VPS54: variants seen among roughly 807,000 people sequenced by gnomAD.
VPS54 encodes the protein VPS54 subunit of GARP complex.
In VPS54, 45 loss-of-function variants were observed where a neutral mutation model predicts 121.5. That is an observed-to-expected ratio of 0.37 (90% CI 0.29 to 0.47). The LOEUF is 0.47. Ranked by LOEUF, VPS54 falls within the 20% of genes least tolerant of loss-of-function variation. VPS54 has a pLI of 0.99. For synonymous variants in VPS54, 371 were observed against 385.8 expected (o/e 0.96, Z 0.45); for missense variants, 1,090 against 1,131.4 (o/e 0.96, Z 0.52).
rs556908961 is a variant in VPS54, at chr2:64,018,713, C to T, written c.-21+225G>A. ...CGCTGACAGGAGGCAGGGAACACAGCTGCCAGCCCCGATCCCGGAGGGAGA... is the reference window on the plus strand; with the variant it reads ...CGCTGACAGGAGGCAGGGAACACAGTTGCCAGCCCCGATCCCGGAGGGAGA... On this transcript the variant is annotated intron_variant, in intron 1 of 22. Coordinates refer to ENST00000272322, the MANE Select transcript of VPS54 (RefSeq NM_016516.3). Among the ~76,000 whole-genome samples the T allele has an allele frequency of 7.5e-5, 11 of 146,406 alleles. No homozygotes were observed. In the Admixed American group the frequency reaches 7.6e-4, roughly 10 times the overall value.
chr2:63,922,639 T>G (rs1673697348), intron 12 of VPS54, among the ~76,000 whole-genome samples: 1 of 152,174 alleles, frequency 6.6e-6, no homozygotes, highest in African/African-American at 2.4e-5. Flanking sequence ...GGTTAGAATA[T>G]TAAGAGAGTA....
chr2:63,930,826 C>T (rs1183341933), intron 12 of VPS54, among the ~76,000 whole-genome samples: 2 of 152,182 alleles, frequency 1.3e-5, no homozygotes, highest in Admixed American at 1.3e-4. Context: ...TCTCAGGATA[C>T]AAAATCAATG....
At chr2:63,989,816 G>A (rs191379316) in intron 1 of VPS54, among the ~76,000 whole-genome samples, 4 of 152,312 alleles carry the variant, frequency 2.6e-5, no homozygotes, top group African/African-American at 7.2e-5. Context: ...ATTCAGGGCA[G>A]TGGGAAAATA....
chr2:63,987,439 T>C (rs1261525239), intron 1 of VPS54, among the ~76,000 whole-genome samples: 1 of 151,988 alleles, frequency 6.6e-6, no homozygotes, highest in Non-Finnish European at 1.5e-5. Context: ...ATACGTTGTA[T>C]AATTTGAAAT....
intron 1 of VPS54, among the ~76,000 whole-genome samples, chr2:64,002,726 T>C (rs116756299): frequency 0.012 from 1,875 of 152,320 alleles, 17 homozygotes; most frequent in Non-Finnish European, 0.015. Context: ...TTAAAGATTT[T>C]GACTTGGAAA....
intron 20 of VPS54, among the ~76,000 whole-genome samples, chr2:63,910,486 TTAA>T (rs1476107878): frequency 2.6e-5 from 4 of 152,200 alleles, no homozygotes; most frequent in African/African-American, 9.7e-5. Context: ...TTTGGGACAA[TTAA>T]TAAGTTTCAA....
At chr2:63,943,867 G>C (rs145782710) in intron 10 of VPS54, among the ~76,000 whole-genome samples, 51 of 151,436 alleles carry the variant, frequency 3.4e-4, no homozygotes, top group African/African-American at 1.2e-3. Context: ...TAGGACTACA[G>C]GCATGTGCCA....
At chr2:63,896,298 A>C (rs1251006140) in intron 22 of VPS54, among the ~76,000 whole-genome samples, 1 of 152,176 alleles carries the variant, frequency 6.6e-6, no homozygotes, top group Non-Finnish European at 1.5e-5. Flanking sequence ...TTAAGGGTTA[A>C]ATTTTATGAC....
chr2:63,946,056 C>A (rs564792584), intron 9 of VPS54, among the ~76,000 whole-genome samples: 1 of 152,076 alleles, frequency 6.6e-6, no homozygotes, highest in African/African-American at 2.4e-5. Context: ...GTTACTACTT[C>A]CTCCCAAAAT....
chr2:63,929,688 A>G (rs1231257903), intron 12 of VPS54, among the ~76,000 whole-genome samples: 2 of 149,730 alleles, frequency 1.3e-5, no homozygotes, highest in Non-Finnish European at 3.0e-5. Flanking sequence ...AAGGACACAG[A>G]GACATAAAAA....
At chr2:63,943,937 GC>G (rs984916822) in intron 10 of VPS54, among the ~76,000 whole-genome samples, 3 of 151,178 alleles carry the variant, frequency 2.0e-5, no homozygotes, top group African/African-American at 7.3e-5. Flanking sequence ...TCACTTTATT[GC>G]CCAGGGTGGT....
chr2:63,959,319 G>A (rs1472875381), intron 7 of VPS54, among the ~76,000 whole-genome samples: 2 of 152,120 alleles, frequency 1.3e-5, no homozygotes, highest in African/African-American at 2.4e-5. Context: ...GTATGATTCA[G>A]TATTCTTCCT....
intron 1 of VPS54, among the ~76,000 whole-genome samples, chr2:63,995,008 A>C (rs1416040017): frequency 1.3e-5 from 2 of 152,192 alleles, no homozygotes; most frequent in Non-Finnish European, 2.9e-5. Context: ...TTAAAATGGG[A>C]AGATAAAGGC....
intron 4 of VPS54, among the ~76,000 whole-genome samples, chr2:63,970,839 T>A (rs1676251868): frequency 6.6e-6 from 1 of 151,516 alleles, no homozygotes; most frequent in East Asian, 2.0e-4. Context: ...ACTGTTCACA[T>A]CTTCCCTGGG....
chr2:63,894,776 A>G (rs1672375105), intron 22 of VPS54, among the ~76,000 whole-genome samples: 1 of 152,196 alleles, frequency 6.6e-6, no homozygotes, highest in Non-Finnish European at 1.5e-5. Context: ...ATATCAACAT[A>G]GATAAATCAG....
chr2:63,933,308 G>C (rs1383079091), intron 12 of VPS54, among the ~76,000 whole-genome samples: 1 of 152,128 alleles, frequency 6.6e-6, no homozygotes. Context: ...TGACACAGAA[G>C]AAAGAAAAAT....
At chr2:63,979,696 T>G (rs1676718419) in intron 3 of VPS54, among the ~76,000 whole-genome samples, 1 of 152,240 alleles carries the variant, frequency 6.6e-6, no homozygotes. Flanking sequence ...TTCCATTCAG[T>G]TCAAACTACT....
intron 1 of VPS54, among the ~76,000 whole-genome samples, chr2:64,006,179 A>G (rs1010371289): frequency 2.0e-5 from 3 of 152,244 alleles, no homozygotes; most frequent in Non-Finnish European, 4.4e-5. Flanking sequence ...AGCATTCAAT[A>G]AACTGCATGA....
chr2:63,987,656 G>A (rs1018648364), intron 1 of VPS54, among the ~76,000 whole-genome samples: 2 of 146,450 alleles, frequency 1.4e-5, no homozygotes, highest in Admixed American at 1.4e-4. Flanking sequence ...TCCAATCCAT[G>A]AACACAGAAT....
Sources: allele counts gnomAD v4.1 joint callset (sites outside exome capture counted in the v4.1 genomes callset), GRCh38; gene constraint gnomAD v4.1.1; transcripts MANE v1.5; gene names NCBI Gene and HGNC (gene_info 2026-07-23, HGNC 2026-07-21).